The following KCNN2 variants were observed in gnomAD, a reference collection of about 807,000 sequenced individuals.
KCNN2 encodes the protein potassium calcium-activated channel subfamily N member 2, also known as small conductance calcium-activated potassium channel protein 2.
KCNN2 carries 24 observed loss-of-function variants against 55.5 expected under a neutral mutation model. The observed-to-expected ratio is 0.43, with a 90% CI of 0.31 to 0.61. The LOEUF (loss-of-function observed/expected upper bound fraction) is 0.61, where lower values mean the gene tolerates loss of function less well. Among genes scored for constraint, KCNN2 ranks in the 20% least tolerant of loss-of-function variants. KCNN2 has a pLI of 0.08. For missense variants in KCNN2, 754 were observed against 853.6 expected (o/e 0.88, Z 1.45); for synonymous variants, 431 against 336.1 (o/e 1.28, Z -3.09).
At position 114,379,776 on chromosome 5, in the gene KCNN2, A is replaced by G. The variant is rs919189335; in HGVS notation, c.1218+15775A>G. Among the ~76,000 whole-genome samples the G allele has an allele frequency of 1.6e-5, 2 of 126,078 alleles. 1 individual carries two copies. Among genetic ancestry groups the G allele is most frequent in the Non-Finnish European group, 3.1e-5 (2 of 64,756 alleles). 82.7% of individuals were successfully genotyped at this position (126,078 alleles called of 152,430 possible). A position where few individuals can be genotyped will look rare whatever the true frequency, so the allele number is the denominator to read the frequency against. ...ATTATATATTTATAGAATATATTAT[A>G]TAACATATATATTTATAGAATATAT... is the stretch of plus-strand genomic sequence containing the variant. On this transcript the variant is annotated intron_variant, in intron 2 of 7. Transcript: ENST00000673685.
At chr5:114,363,395 C>T (rs372514094) in intron 1 of KCNN2, 134 bp downstream of exon 1, 7 of 1,153,116 alleles carry the variant, frequency 6.1e-6, no homozygotes, top group African/African-American at 4.7e-5. Context: ...GGACAGCGGG[C>T]GCGTCTAGGA....
intron 1 of KCNN2, among the ~76,000 whole-genome samples, chr5:114,210,622 A>G (rs1272455549): frequency 6.6e-6 from 1 of 152,200 alleles, no homozygotes; most frequent in Non-Finnish European, 1.5e-5. Flanking sequence ...ATATAAAACC[A>G]AAGTGTGAAA....
At chr5:114,165,451 A>G (rs1218226338) in intron 1 of KCNN2, among the ~76,000 whole-genome samples, 5 of 152,220 alleles carry the variant, frequency 3.3e-5, no homozygotes, top group Admixed American at 1.3e-4. Context: ...AACAGTTGTG[A>G]AACAATAAAT....
At chr5:114,158,916 G>A (rs1397837418) in intron 1 of KCNN2, among the ~76,000 whole-genome samples, 1 of 152,046 alleles carries the variant, frequency 6.6e-6, no homozygotes, top group African/African-American at 2.4e-5. Context: ...GAGATGATGG[G>A]GTTTTCTAGA....
chr5:114,096,083 A>G (rs1347548884), intron 1 of KCNN2, among the ~76,000 whole-genome samples: 1 of 152,140 alleles, frequency 6.6e-6, no homozygotes, highest in African/African-American at 2.4e-5. Context: ...GTCCAGGAGC[A>G]GTGTAACTTA....
In KCNN2 at chr5:114,475,864, A is replaced by G. The variant is rs1321574224; in HGVS notation, c.1890+2700A>G. Among the ~76,000 whole-genome samples, 7 of 152,166 alleles carry G rather than the reference A, an allele frequency of 4.6e-5. No homozygotes were observed. In the East Asian group the frequency reaches 9.6e-4, roughly 21 times the overall value. On this transcript the variant is annotated intron_variant, in intron 5 of 7. Transcript: ENST00000673685. ...ACTGACAAAGTTTTCTGATGATGCT[A>G]CAGCTTTTTTGTTGTAAGTTCTTGT...
intron 2 of KCNN2, among the ~76,000 whole-genome samples, chr5:114,288,243 T>C (rs1165606346): frequency 6.6e-6 from 1 of 152,222 alleles, no homozygotes; most frequent in Non-Finnish European, 1.5e-5. Context: ...GTTTAACATT[T>C]GGGTTGTTTC....
chr5:114,077,017 A>G (rs1750697755), intron 1 of KCNN2, among the ~76,000 whole-genome samples: 1 of 152,136 alleles, frequency 6.6e-6, no homozygotes, highest in Admixed American at 6.6e-5. Context: ...ATAGTGATAA[A>G]TGAAAAGCCT....
intron 5 of KCNN2, among the ~76,000 whole-genome samples, chr5:114,476,227 G>A (rs1343889403): frequency 1.5e-5 from 2 of 130,300 alleles, no homozygotes; most frequent in East Asian, 2.3e-4. Context: ...TCCCCTTCCT[G>A]TGTCCATGTC....
intron 1 of KCNN2, among the ~76,000 whole-genome samples, chr5:114,201,785 C>T (rs1753677309): frequency 2.0e-5 from 3 of 150,094 alleles, no homozygotes; most frequent in South Asian, 2.1e-4. Flanking sequence ...CAGCCTGTTG[C>T]ATGGCTGTGG....
At chr5:114,136,251 G>C (rs1752171679) in intron 1 of KCNN2, among the ~76,000 whole-genome samples, 1 of 152,186 alleles carries the variant, frequency 6.6e-6, no homozygotes, top group Non-Finnish European at 1.5e-5. Flanking sequence ...TATCATGGGA[G>C]TGGGGTTGCT....
chr5:114,194,054 A>C (rs1459669665), intron 1 of KCNN2, among the ~76,000 whole-genome samples: 1 of 151,970 alleles, frequency 6.6e-6, no homozygotes, highest in Non-Finnish European at 1.5e-5. Flanking sequence ...CCTTCATCCT[A>C]TTCATCACTT....
At chr5:114,441,930 A>G (rs922599272) in intron 3 of KCNN2, among the ~76,000 whole-genome samples, 3 of 152,230 alleles carry the variant, frequency 2.0e-5, no homozygotes, top group African/African-American at 4.8e-5. Context: ...CCAAAAATGC[A>G]TGTTTTAAAA....
intron 1 of KCNN2, among the ~76,000 whole-genome samples, chr5:114,144,774 C>G (rs890704508): frequency 1.5e-5 from 2 of 133,468 alleles, no homozygotes; most frequent in Non-Finnish European, 3.0e-5. Flanking sequence ...TCCATATAGA[C>G]AGTGTATATA....
intron 2 of KCNN2, among the ~76,000 whole-genome samples, chr5:114,284,743 C>A (rs1173587848): frequency 1.3e-5 from 2 of 151,636 alleles, no homozygotes; most frequent in African/African-American, 4.8e-5. Flanking sequence ...TGGTCTTGAT[C>A]TCCTGACCTG....
intron 2 of KCNN2, among the ~76,000 whole-genome samples, chr5:114,247,408 T>C (rs192277894): frequency 3.6e-4 from 55 of 152,238 alleles, no homozygotes; most frequent in Admixed American, 1.0e-3. Context: ...CAATGCATTA[T>C]TAAATTTTAT....
intron 2 of KCNN2, among the ~76,000 whole-genome samples, chr5:114,338,302 G>T (rs1297931736): frequency 6.6e-6 from 1 of 152,174 alleles, no homozygotes; most frequent in East Asian, 1.9e-4. Context: ...AAAGATCTAA[G>T]CTGCCACTGA....
chr5:114,398,146 G>T (rs980536129), intron 2 of KCNN2, among the ~76,000 whole-genome samples: 2 of 152,104 alleles, frequency 1.3e-5, no homozygotes, highest in Non-Finnish European at 2.9e-5. Context: ...ATAGTACAGG[G>T]TTTTTATTGT....
intron 1 of KCNN2, among the ~76,000 whole-genome samples, chr5:114,177,294 C>G (rs1416162911): frequency 1.3e-5 from 2 of 151,982 alleles, no homozygotes; most frequent in East Asian, 3.9e-4. Flanking sequence ...CCCGCCACCG[C>G]GCCCGGCTAA....
Sources: gnomAD v4.1 joint callset for allele counts (sites outside exome capture counted in the v4.1 genomes callset) on GRCh38, gnomAD v4.1.1 for gene constraint, MANE v1.5 for transcripts, NCBI Gene and HGNC (gene_info 2026-07-23, HGNC 2026-07-21) for gene names.